The following TMEM178B variants were observed in gnomAD, a reference collection of about 807,000 sequenced individuals.
TMEM178B encodes the protein transmembrane protein 178B.
TMEM178B carries 5 observed loss-of-function variants against 31.0 expected under a neutral mutation model. That is an observed-to-expected ratio of 0.16 (90% confidence interval 0.08 to 0.34). The LOEUF is 0.34. Ranked by LOEUF, TMEM178B falls within the 10% of genes least tolerant of loss-of-function variation. The pLI is 1.00. For missense variants in TMEM178B, 275 were observed against 400.3 expected (o/e 0.69, Z 2.67); for synonymous variants, 164 against 164.0 (o/e 1.00, Z 0.00).
intron 3 of TMEM178B, among the ~76,000 whole-genome samples, chr7:141,468,734 T>G (rs1802188886): frequency 6.6e-6 from 1 of 151,986 alleles, no homozygotes; most frequent in Admixed American, 6.6e-5. Flanking sequence ...GAAGTGGGTT[T>G]AGGACCGGAG....
chr7:141,081,183 G>A (rs1020305391), intron 1 of TMEM178B, among the ~76,000 whole-genome samples: 1 of 152,118 alleles, frequency 6.6e-6, no homozygotes, highest in African/African-American at 2.4e-5. Context: ...TTTCCAGTGG[G>A]CTAAAATGTG....
chr7:141,248,031 C>G (rs1414801681), intron 2 of TMEM178B, among the ~76,000 whole-genome samples: 1 of 119,668 alleles, frequency 8.4e-6, no homozygotes. Context: ...CAGTCTTCCC[C>G]TTTCTCTTTT....
At chr7:141,156,495 T>G (rs1172219295) in intron 1 of TMEM178B, among the ~76,000 whole-genome samples, 3 of 152,150 alleles carry the variant, frequency 2.0e-5, no homozygotes, top group Non-Finnish European at 2.9e-5. Flanking sequence ...ATGAAAAACG[T>G]CAGCCACATT....
chr7:141,371,231 G>C (rs147740510), intron 2 of TMEM178B, among the ~76,000 whole-genome samples: 1 of 152,236 alleles, frequency 6.6e-6, no homozygotes, highest in East Asian at 1.9e-4. Flanking sequence ...CTCATGAATA[G>C]ACTAATGCCC....
intron 1 of TMEM178B, among the ~76,000 whole-genome samples, chr7:141,092,810 T>C (rs1168371793): frequency 2.0e-5 from 3 of 152,028 alleles, no homozygotes; most frequent in Non-Finnish European, 4.4e-5. Context: ...GCAGATGGGA[T>C]GGCCAGAGAA....
intron 1 of TMEM178B, among the ~76,000 whole-genome samples, chr7:141,115,014 G>T (rs1458793672): frequency 6.6e-6 from 1 of 152,104 alleles, no homozygotes; most frequent in Admixed American, 6.6e-5. Flanking sequence ...TCCCAAGAAG[G>T]TCAGTTAGGA....
At position 141,288,655 on chromosome 7, in the gene TMEM178B, C is replaced by T. The variant is rs796228144; in HGVS notation, c.496+75951C>T. Among the ~76,000 whole-genome samples the T allele has an allele frequency of 1.3e-4, 20 of 152,300 alleles. 1 individual carries two copies. The highest frequency in any genetic ancestry group is 4.8e-4 in the African/African-American group (20 of 41,550). On this transcript the variant is annotated intron_variant, in intron 2 of 3. Transcript: ENST00000565468. ...TGCTCCCACCCACTCTTTCCTTGGT[C>T]CTTTGCAGACGGACTGCTGGTCTCC...
At chr7:141,308,444 G>A (rs1401793473) in intron 2 of TMEM178B, among the ~76,000 whole-genome samples, 2 of 152,120 alleles carry the variant, frequency 1.3e-5, no homozygotes, top group East Asian at 1.9e-4. Flanking sequence ...TGTGCCCCAG[G>A]CTGGAGTACA....
At chr7:141,313,401 C>T (rs1798947644) in intron 2 of TMEM178B, among the ~76,000 whole-genome samples, 1 of 152,142 alleles carries the variant, frequency 6.6e-6, no homozygotes, top group Admixed American at 6.5e-5. Context: ...CTCTCTCTTG[C>T]TCTCCCCATG....
At chr7:141,323,679 C>T (rs560147683) in intron 2 of TMEM178B, among the ~76,000 whole-genome samples, 3 of 152,248 alleles carry the variant, frequency 2.0e-5, no homozygotes, top group African/African-American at 7.2e-5. Flanking sequence ...GTGTCATACA[C>T]TAGGCTAGGC....
chr7:141,306,504 T>G (rs1798818216), intron 2 of TMEM178B, among the ~76,000 whole-genome samples: 1 of 152,168 alleles, frequency 6.6e-6, no homozygotes, highest in Non-Finnish European at 1.5e-5. Flanking sequence ...TAATTAGCTT[T>G]GAAAAATCAA....
chr7:141,349,955 G>C (rs1050931674), intron 2 of TMEM178B, among the ~76,000 whole-genome samples: 5 of 150,120 alleles, frequency 3.3e-5, no homozygotes, highest in South Asian at 2.1e-4. Flanking sequence ...ATGCATCCAT[G>C]CATCCATCCA....
At chr7:141,411,512 C>G (rs763170388) in intron 2 of TMEM178B, among the ~76,000 whole-genome samples, 2 of 152,046 alleles carry the variant, frequency 1.3e-5, no homozygotes, top group Non-Finnish European at 2.9e-5. Flanking sequence ...TTGTAAAAAA[C>G]CAAAAAATGT....
At chr7:141,470,049 G>A (rs979132235) in intron 3 of TMEM178B, among the ~76,000 whole-genome samples, 1 of 152,110 alleles carries the variant, frequency 6.6e-6, no homozygotes. Context: ...AAGAATTGTT[G>A]GTGAACAGAT....
At chr7:141,364,820 G>A (rs1799976403) in intron 2 of TMEM178B, among the ~76,000 whole-genome samples, 1 of 152,164 alleles carries the variant, frequency 6.6e-6, no homozygotes, top group South Asian at 2.1e-4. Context: ...GCCTCTGCGT[G>A]GGGCAATAGG....
chr7:141,426,031 G>C (rs779167579), intron 2 of TMEM178B, among the ~76,000 whole-genome samples: 1 of 152,102 alleles, frequency 6.6e-6, no homozygotes, highest in Non-Finnish European at 1.5e-5. Context: ...CTGGAATCTG[G>C]CCCCATGTTG....
At chr7:141,092,415 G>A (rs948594694) in intron 1 of TMEM178B, among the ~76,000 whole-genome samples, 6 of 152,176 alleles carry the variant, frequency 3.9e-5, no homozygotes, top group Non-Finnish European at 8.8e-5. Flanking sequence ...CAGTCTACCT[G>A]TGCAAAATGT....
At chr7:141,339,612 G>A (rs1257497698) in intron 2 of TMEM178B, among the ~76,000 whole-genome samples, 2 of 152,122 alleles carry the variant, frequency 1.3e-5, no homozygotes, top group Non-Finnish European at 2.9e-5. Context: ...GAAAAATGAG[G>A]ACATTCATGT....
At chr7:141,212,787 C>A in intron 2 of TMEM178B, 83 bp downstream of exon 2, 1 of 1,110,628 alleles carries the variant, frequency 9.0e-7, no homozygotes, top group Non-Finnish European at 1.3e-6. Flanking sequence ...GTGCCTCCTT[C>A]TGGGATCTGT....
Sources: gnomAD v4.1 joint callset for allele counts (sites outside exome capture counted in the v4.1 genomes callset) on GRCh38, gnomAD v4.1.1 for gene constraint, MANE v1.5 for transcripts, NCBI Gene and HGNC (gene_info 2026-07-23, HGNC 2026-07-21) for gene names.